Variants in MELK observed in about 807,000 individuals in gnomAD.
MELK encodes maternal embryonic leucine zipper kinase.
MELK carries 81 observed loss-of-function variants against 85.0 expected under a neutral mutation model. That is an observed-to-expected ratio of 0.95 (90% CI 0.80 to 1.15). The LOEUF (loss-of-function observed/expected upper bound fraction) is 1.15, where lower values mean the gene tolerates loss of function less well. MELK is among the 50% of genes most tolerant of loss of function. The probability of loss-of-function intolerance (pLI) is 0.00; values close to 1 mark genes in which losing one functional copy is unlikely to be tolerated. For synonymous variants in MELK, 252 were observed against 265.0 expected, an observed-to-expected ratio of 0.95 and a Z score of 0.48; for missense variants, 754 against 777.5, an observed-to-expected ratio of 0.97 and a Z score of 0.36.
chr9:36,624,328 A>G (rs933578237), intron 8 of MELK, among the ~76,000 whole-genome samples: 7 of 152,328 alleles, frequency 4.6e-5, no homozygotes, highest in African/African-American at 1.7e-4. Context: ...AAGGTCATAC[A>G]GCTAGTAAGA....
In MELK at chr9:36,606,332, A is replaced by G. The variant is rs1360624132; in HGVS notation, c.568-1243A>G. On this transcript the variant is annotated intron_variant, in intron 7 of 17. Coordinates refer to ENST00000298048, the MANE Select transcript of MELK (RefSeq NM_014791.4). ...ACATATGTATAGGTGTGTATATAATATATACATATGTATAGGTGTGTATAT... is the reference window on the plus strand; with the variant it reads ...ACATATGTATAGGTGTGTATATAATGTATACATATGTATAGGTGTGTATAT... Among the ~76,000 whole-genome samples, 22 of 145,832 alleles carry G rather than the reference A, an allele frequency of 1.5e-4. 1 individual carries two copies. The East Asian group carries it at 4.3e-3, about 29-fold the overall frequency.
chr9:36,579,083 A>G (rs935132663), intron 1 of MELK, among the ~76,000 whole-genome samples: 21 of 151,982 alleles, frequency 1.4e-4, no homozygotes, highest in Admixed American at 4.6e-4. Flanking sequence ...GCTGGAGTGC[A>G]GTGGCACGAT....
chr9:36,627,677 G>A (rs1367009637), intron 8 of MELK, among the ~76,000 whole-genome samples: 5 of 150,838 alleles, frequency 3.3e-5, no homozygotes, highest in Admixed American at 6.6e-5. Flanking sequence ...ATAAGTGCCC[G>A]CCACCACACC....
chr9:36,611,204 CA>C (rs1221401694), intron 8 of MELK, among the ~76,000 whole-genome samples: 1 of 152,114 alleles, frequency 6.6e-6, no homozygotes, highest in Non-Finnish European at 1.5e-5. Context: ...AACTCCATCC[CA>C]AAGAAATAAG....
rs60212848 is a variant in MELK, at chr9:36,616,387, C to CTTTTTTTTTTTTT, written c.666+8722_666+8734dup. Among the ~76,000 whole-genome samples the CTTTTTTTTTTTTT allele has an allele frequency of 2.3e-3, 265 of 114,600 alleles. 13 individuals carry two copies. The highest frequency in any genetic ancestry group is 8.0e-3 in the African/African-American group (241 of 30,144). 75.2% of individuals were successfully genotyped at this position (114,600 alleles called of 152,430 possible). A position where few individuals can be genotyped will look rare whatever the true frequency, so the allele number is the denominator to read the frequency against. On this transcript the variant is annotated intron_variant, in intron 8 of 17. Coordinates refer to ENST00000298048, the MANE Select transcript of MELK (RefSeq NM_014791.4). ...TTAAAGGTATCTAGCATGTCAAACT[C>CTTTTTTTTTTTTT]TTTTTTTTTTTTTTTTTTTTAAGGC...
In MELK at chr9:36,607,781, G is replaced by A. The variant is rs1054098179; in HGVS notation, c.666+108G>A. ...ACAGGCATAAAAGTTATTCTCTGCT[G>A]TTAGAAGTCAAAATCTTAGTTATTC... On this transcript the variant is annotated intron_variant, in intron 8 of 17. Coordinates refer to ENST00000298048, the MANE Select transcript of MELK (RefSeq NM_014791.4). The A allele has an allele frequency of 3.7e-6, 3 of 809,554 alleles. No homozygotes were observed. The African/African-American group carries it at 5.2e-5, about 14-fold the overall frequency. The allele number at this position is 809,554 out of a possible 1,614,324, so 50.1% of individuals were successfully genotyped here.
Position 36,597,347 on chromosome 9 carries a change from G to A in MELK, c.474+57G>A. 5 of 1,462,664 alleles carry A rather than the reference G, an allele frequency of 3.4e-6. No individual in the cohort carries two copies. In the East Asian group the frequency reaches 1.1e-4, roughly 33 times the overall value. The allele number at this position is 1,462,664 out of a possible 1,614,324, so 90.6% of individuals were successfully genotyped here. A position where few individuals can be genotyped will look rare whatever the true frequency, so the allele number is the denominator to read the frequency against. ...TTTGTAAATGCATTTATTTCTTAGT[G>A]TGTGATTTTGTCCTGACTTCCACTT... On this transcript the variant is annotated intron_variant, in intron 6 of 17. Coordinates refer to ENST00000298048, the MANE Select transcript of MELK (RefSeq NM_014791.4).
intron 15 of MELK, 67 bp from the exon 16 acceptor site, chr9:36,670,931 C>T (rs1312315240): frequency 4.1e-6 from 6 of 1,479,608 alleles, no homozygotes; most frequent in Non-Finnish European, 5.4e-6. Context: ...GACAAAAGTT[C>T]ACCCTTGTGG....
chr9:36,637,010 T>G (rs1829286447), intron 10 of MELK, among the ~76,000 whole-genome samples: 1 of 151,954 alleles, frequency 6.6e-6, no homozygotes, highest in Non-Finnish European at 1.5e-5. Flanking sequence ...TTTTTTGTGT[T>G]TTTGGTAGAG....
chr9:36,636,222 G>C (rs924704632), intron 10 of MELK, among the ~76,000 whole-genome samples: 8 of 152,008 alleles, frequency 5.3e-5, no homozygotes, highest in Non-Finnish European at 1.0e-4. Context: ...ACAATAATTT[G>C]GCTGGGCACG....
chr9:36,583,835 G>A (rs1822526440), intron 3 of MELK, 123 bp downstream of exon 3: 5 of 669,774 alleles, frequency 7.5e-6, no homozygotes, highest in Admixed American at 3.0e-5. Context: ...TTTAAAAAAC[G>A]TATAGATCTG....
At chr9:36,658,044 A>G (rs1327978712) in intron 13 of MELK, among the ~76,000 whole-genome samples, 1 of 151,532 alleles carries the variant, frequency 6.6e-6, no homozygotes, top group Non-Finnish European at 1.5e-5. Flanking sequence ...TTACTCCTCA[A>G]AATTCCCTCA....
intron 8 of MELK, among the ~76,000 whole-genome samples, chr9:36,621,903 G>T (rs1382751900): frequency 6.6e-6 from 1 of 152,116 alleles, no homozygotes; most frequent in African/African-American, 2.4e-5. Flanking sequence ...GTAGATCCTA[G>T]ATTAATCCTT....
chr9:36,642,862 C>A, intron 10 of MELK, 135 bp from the exon 11 acceptor site: 1 of 637,870 alleles, frequency 1.6e-6, no homozygotes, highest in Non-Finnish European at 2.6e-6. Flanking sequence ...TTGATTCTTC[C>A]CCAAGAAATT....
intron 8 of MELK, among the ~76,000 whole-genome samples, chr9:36,622,829 A>G (rs1344350469): frequency 6.6e-6 from 1 of 152,186 alleles, no homozygotes; most frequent in East Asian, 1.9e-4. Context: ...GTGAAAAACA[A>G]TTTCAAGCCA....
intron 1 of MELK, among the ~76,000 whole-genome samples, chr9:36,578,242 T>TG (rs1466034505): frequency 4.8e-4 from 10 of 20,784 alleles, no homozygotes; most frequent in Non-Finnish European, 7.6e-4. Context: ...AGATCCAATG[T>TG]GTTTTTTTTT....
rs1265457773 is a variant in MELK, at chr9:36,674,949, A to T, written c.1778+12A>T. The T allele has an allele frequency of 2.0e-6, 3 of 1,527,058 alleles. No individual in the cohort carries two copies. Among genetic ancestry groups the T allele is most frequent in the Non-Finnish European group, 2.7e-6 (3 of 1,103,412 alleles). The allele number at this position is 1,527,058 out of a possible 1,614,324, so 94.6% of individuals were successfully genotyped here. Reference sequence around the variant, plus strand: ...TTTGTACAAAAGGGGTAAGAAGCACATTTACAAGCTGTTGCATTTATTAGT... The same window carrying T: ...TTTGTACAAAAGGGGTAAGAAGCACTTTTACAAGCTGTTGCATTTATTAGT... On this transcript the variant is annotated intron_variant, in intron 17 of 17. Coordinates refer to ENST00000298048, the MANE Select transcript of MELK (RefSeq NM_014791.4).
chr9:36,667,445 T>A (rs1449801572), intron 14 of MELK, among the ~76,000 whole-genome samples: 1 of 152,234 alleles, frequency 6.6e-6, no homozygotes, highest in African/African-American at 2.4e-5. Flanking sequence ...CGTGGGCCAT[T>A]GTGCCCGGCC....
chr9:36,618,845 A>G (rs1453771643), intron 8 of MELK, among the ~76,000 whole-genome samples: 1 of 152,196 alleles, frequency 6.6e-6, no homozygotes, highest in Non-Finnish European at 1.5e-5. Context: ...ACTAGTGCCG[A>G]TCCATGTACT....
Sources: allele counts gnomAD v4.1 joint callset (sites outside exome capture counted in the v4.1 genomes callset), GRCh38; gene constraint gnomAD v4.1.1; transcripts MANE v1.5; gene names NCBI Gene and HGNC (gene_info 2026-07-23, HGNC 2026-07-21).